Variants in USP40 observed in about 807,000 individuals in gnomAD.
USP40 encodes ubiquitin carboxyl-terminal hydrolase 40.
USP40 carries 143 observed loss-of-function variants against 166.2 expected under a neutral mutation model. The ratio of observed to expected loss-of-function variants is 0.86; its 90% CI spans 0.75 to 0.99. The LOEUF (loss-of-function observed/expected upper bound fraction) is 0.99. Among genes scored for constraint, USP40 ranks in the 50% least tolerant of loss-of-function variants. USP40 has a pLI of 0.00. For missense variants in USP40, 1,444 were observed against 1,479.7 expected (o/e 0.98, Z 0.40); for synonymous variants, 498 against 524.0 (o/e 0.95, Z 0.68).
chr2:233,500,281 T>C (rs1167337703), intron 21 of USP40, among the ~76,000 whole-genome samples: 1 of 152,166 alleles, frequency 6.6e-6, no homozygotes, highest in Non-Finnish European at 1.5e-5. Context: ...CTGAATCCTA[T>C]AAAAGGCGAG....
chr2:233,529,330 A>G (rs1231397597), intron 12 of USP40, 101 bp downstream of exon 12: 9 of 987,420 alleles, frequency 9.1e-6, no homozygotes, highest in Non-Finnish European at 1.3e-5. Context: ...CAAGTTGACT[A>G]TTTTTTTTCT....
chr2:233,562,872 C>A, intron 2 of USP40, 69 bp from the exon 3 acceptor site: 1 of 1,216,294 alleles, frequency 8.2e-7, no homozygotes. Flanking sequence ...TTTAGAAAGC[C>A]AAGACCACCT....
rs746794965 is a variant in USP40 at position 233,533,589 on chromosome 2, T to C, written c.1361A>G (p.Asp454Gly). The C allele has an allele frequency of 1.9e-6, 3 of 1,613,898 alleles. No homozygotes were observed. Among genetic ancestry groups the C allele is most frequent in the South Asian group, 2.2e-5 (2 of 91,076 alleles). Residue 454 changes from aspartate to glycine, a missense_variant, in exon 11 of 32, where the codon GAT (aspartate) becomes GGT (glycine). By Grantham distance (94) the Asp-to-Gly change is moderately conservative (BLOSUM62 -1). Transcript: ENST00000678225. ...ISCPHWFDIN[D>G]SKVQPIREKD... ...TTCCCTGATTGGCTGGACTTTAGAA[T>C]CATTTATATCAAACCAGTGGGGACA...
rs2125019228 is a variant in USP40 at position 233,480,204 on chromosome 2, A to C, written c.3599+999T>G. On this transcript the variant is annotated intron_variant, in intron 31 of 31. Transcript: ENST00000678225. The surrounding 1 kb of genome is among the most constrained non-coding windows in gnomAD (Gnocchi z 4.5). ...GGCATGCAGTCCCTGGCACACGGGCAGCCAAGATACTGAGGGGCAGAAGAA... is the reference window on the plus strand; with the variant it reads ...GGCATGCAGTCCCTGGCACACGGGCCGCCAAGATACTGAGGGGCAGAAGAA... 6.6e-6 allele frequency among the ~76,000 whole-genome samples: 1 copy of C among 152,282 alleles called. No homozygotes were observed. Among genetic ancestry groups the C allele is most frequent in the African/African-American group, 2.4e-5 (1 of 41,556 alleles).
At chr2:233,537,224 T>C (rs2069004145) in intron 10 of USP40, among the ~76,000 whole-genome samples, 1 of 152,180 alleles carries the variant, frequency 6.6e-6, no homozygotes. Context: ...GTTTAAAGAA[T>C]AGAGGAGGAT....
At chr2:233,512,746 T>C in intron 18 of USP40, 124 bp from the exon 19 acceptor site, 1 of 436,504 alleles carries the variant, frequency 2.3e-6, no homozygotes. Context: ...AGATGCTCTA[T>C]TGTGTTAATT....
intron 8 of USP40, among the ~76,000 whole-genome samples, chr2:233,543,742 C>T (rs1277078233): frequency 6.6e-6 from 1 of 152,220 alleles, no homozygotes; most frequent in African/African-American, 2.4e-5. Context: ...GCCTCCAGAA[C>T]TGTGAGCAAT....
intron 1 of USP40, among the ~76,000 whole-genome samples, chr2:233,566,302 A>T (rs924224698): frequency 1.3e-5 from 2 of 152,132 alleles, no homozygotes; most frequent in African/African-American, 4.8e-5. Context: ...AGTGTGGCGG[A>T]GGGTCACTTG....
chr2:233,531,674 T>C (rs575716628), intron 11 of USP40, among the ~76,000 whole-genome samples: 1 of 152,366 alleles, frequency 6.6e-6, no homozygotes, highest in East Asian at 1.9e-4. Context: ...GTTTTAGATC[T>C]GGAAAGTTAA....
In USP40 at chr2:233,545,880, A is replaced by G. The variant is rs113493898; in HGVS notation, c.966+3221T>C. The G allele has an allele frequency of 7.1e-3, 1,102 of 155,114 alleles. 16 individuals are homozygous for G. The highest frequency in any genetic ancestry group is 0.025 in the African/African-American group (1,028 of 41,672). The allele number at this position is 155,114 out of a possible 1,614,324, so 9.6% of individuals were successfully genotyped here. On this transcript the variant is annotated intron_variant, in intron 8 of 31. Coordinates refer to ENST00000678225, the MANE Select transcript of USP40 (RefSeq NM_001365479.2). Reference sequence around the variant, plus strand: ...TCAGGATAATGGTAGTAAAGAGACAAGCACAGTGTCCACCAGATATATCTA... The same window carrying G: ...TCAGGATAATGGTAGTAAAGAGACAGGCACAGTGTCCACCAGATATATCTA...
intron 27 of USP40, among the ~76,000 whole-genome samples, chr2:233,489,127 A>G (rs1442536030): frequency 1.3e-5 from 2 of 152,226 alleles, no homozygotes; most frequent in African/African-American, 4.8e-5. Flanking sequence ...AAGTTATATA[A>G]TGTCACAGTC....
chr2:233,517,250 T>C (rs1327933663), intron 18 of USP40, among the ~76,000 whole-genome samples: 1 of 152,192 alleles, frequency 6.6e-6, no homozygotes, highest in African/African-American at 2.4e-5. Flanking sequence ...ACAGCCACTA[T>C]GGAAAACAGT....
chr2:233,518,641 C>G (rs2067431450), intron 18 of USP40, among the ~76,000 whole-genome samples: 1 of 150,656 alleles, frequency 6.6e-6, no homozygotes, highest in Non-Finnish European at 1.5e-5. Flanking sequence ...GCAACCCTGA[C>G]ACACTGCTAG....
Position 233,566,703 on chromosome 2 carries a change from C to T in USP40, c.-39G>A. 2.0e-6 allele frequency: 2 copies of T among 986,066 alleles called. No homozygotes were observed. Among genetic ancestry groups the T allele is most frequent in the Non-Finnish European group, 2.4e-6 (2 of 830,068 alleles). 61.1% of individuals were successfully genotyped at this position (986,066 alleles called of 1,614,324 possible). A position where few individuals can be genotyped will look rare whatever the true frequency, so the allele number is the denominator to read the frequency against. ...ACTTACTGCCTAAAGCCCAGACCCC[C>T]GCCCTGGCCAAAACGCGAAGCGAAC... On this transcript the variant is annotated 5_prime_UTR_variant, in exon 1 of 32. Transcript: ENST00000678225.
At chr2:233,477,607 G>T in intron 31 of USP40, 104 bp from the exon 32 acceptor site, 2 of 988,282 alleles carry the variant, frequency 2.0e-6, no homozygotes, top group South Asian at 2.9e-5. Context: ...AGGCCACAAG[G>T]ACGTGCATTT....
chr2:233,561,375 G>T (rs1397656100), intron 3 of USP40, among the ~76,000 whole-genome samples: 2 of 150,468 alleles, frequency 1.3e-5, no homozygotes, highest in East Asian at 3.9e-4. Flanking sequence ...CAGAGATATA[G>T]ATCAATGCAA....
chr2:233,506,811 T>A (rs2066450101), intron 21 of USP40, among the ~76,000 whole-genome samples: 1 of 150,188 alleles, frequency 6.7e-6, no homozygotes, highest in Non-Finnish European at 1.5e-5. Flanking sequence ...CTTCGGAGGC[T>A]GAGATGGAAG....
At chr2:233,494,744 C>T (rs896026970) in intron 24 of USP40, among the ~76,000 whole-genome samples, 2 of 147,318 alleles carry the variant, frequency 1.4e-5, no homozygotes, top group African/African-American at 5.0e-5. Flanking sequence ...CCTGTAGTCC[C>T]AGCCCAGGAG....
intron 10 of USP40, among the ~76,000 whole-genome samples, chr2:233,539,747 A>C (rs1026855648): frequency 3.9e-5 from 6 of 152,182 alleles, no homozygotes; most frequent in Admixed American, 6.5e-5. Flanking sequence ...AGATGATCAA[A>C]TTAAGTCCCA....
Sources: gnomAD v4.1 joint callset for allele counts (sites outside exome capture counted in the v4.1 genomes callset) on GRCh38, gnomAD v4.1.1 for gene constraint, Gnocchi (gnomAD v3.1) non-coding constraint, MANE v1.5 for transcripts, NCBI Gene and HGNC (gene_info 2026-07-23, HGNC 2026-07-21) for gene names.